CAMTA1: variants seen among roughly 807,000 people sequenced by gnomAD.
CAMTA1 encodes the protein calmodulin-binding transcription activator 1.
Under a neutral mutation model 170.9 loss-of-function variants are expected in CAMTA1, and 27 were observed. That is an observed-to-expected ratio of 0.16 (90% CI 0.12 to 0.22). The LOEUF (loss-of-function observed/expected upper bound fraction) is 0.22. CAMTA1 is among the 10% of genes least tolerant of loss of function. The pLI is 1.00. For missense variants in CAMTA1, 1,619 were observed against 2,217.2 expected, an observed-to-expected ratio of 0.73 and a Z score of 5.42; for synonymous variants, 833 against 891.5, an observed-to-expected ratio of 0.93 and a Z score of 1.17.
intron 7 of CAMTA1, among the ~76,000 whole-genome samples, chr1:7,648,887 C>G (rs577614009): frequency 4.0e-5 from 6 of 150,842 alleles, no homozygotes; most frequent in Admixed American, 3.9e-4. Flanking sequence ...TTTTAAGGAA[C>G]CCCGGCCTAT....
chr1:7,612,907 C>T (rs1398491008), intron 6 of CAMTA1, among the ~76,000 whole-genome samples: 1 of 152,216 alleles, frequency 6.6e-6, no homozygotes, highest in African/African-American at 2.4e-5. Flanking sequence ...GGCCTCAATT[C>T]CCTCCTCTTG....
chr1:7,138,994 CA>C (rs750880250), intron 4 of CAMTA1, among the ~76,000 whole-genome samples: 1 of 122,732 alleles, frequency 8.1e-6, no homozygotes, highest in South Asian at 2.5e-4. Context: ...GACTCTGTCT[CA>C]AAAAAATATA....
intron 4 of CAMTA1, among the ~76,000 whole-genome samples, chr1:7,096,782 G>C (rs559981624): frequency 6.6e-6 from 1 of 152,034 alleles, no homozygotes; most frequent in South Asian, 2.1e-4. Flanking sequence ...TCTCTAAGTC[G>C]AACTCCTCCT....
At chr1:7,560,153 T>A (rs1409533177) in intron 6 of CAMTA1, among the ~76,000 whole-genome samples, 2 of 152,216 alleles carry the variant, frequency 1.3e-5, no homozygotes, top group Non-Finnish European at 2.9e-5. Flanking sequence ...TTCCTATCCT[T>A]GTCCCTGGTC....
chr1:7,521,964 A>G (rs576161322), intron 6 of CAMTA1, among the ~76,000 whole-genome samples: 1 of 152,328 alleles, frequency 6.6e-6, no homozygotes, highest in South Asian at 2.1e-4. Flanking sequence ...GACAATGACA[A>G]ATGAAGCTGC....
At chr1:7,226,058 G>A (rs1295505092) in intron 4 of CAMTA1, among the ~76,000 whole-genome samples, 1 of 152,100 alleles carries the variant, frequency 6.6e-6, no homozygotes, top group East Asian at 1.9e-4. Flanking sequence ...GCCTTCTCTG[G>A]CTTTGAGTTC....
At chr1:7,133,870 A>G (rs1352362203) in intron 4 of CAMTA1, among the ~76,000 whole-genome samples, 1 of 152,208 alleles carries the variant, frequency 6.6e-6, no homozygotes, top group East Asian at 1.9e-4. Flanking sequence ...TTATTTGGTA[A>G]CAGTTTTACT....
chr1:6,833,127 G>GGA (rs1447726785), intron 3 of CAMTA1, among the ~76,000 whole-genome samples: 1 of 152,110 alleles, frequency 6.6e-6, no homozygotes, highest in Non-Finnish European at 1.5e-5. Context: ...TTGACACTGA[G>GGA]GAATAGTAAG....
chr1:7,223,014 A>G (rs1445070886), intron 4 of CAMTA1, among the ~76,000 whole-genome samples: 3 of 152,196 alleles, frequency 2.0e-5, no homozygotes, highest in African/African-American at 7.2e-5. Context: ...TAAGATCTCA[A>G]ACCTTTTTTT....
chr1:7,521,569 G>A lies in CAMTA1; in HGVS notation c.510+53668G>A, dbSNP rs532157188. Among the ~76,000 whole-genome samples, 119 of 151,586 alleles carry A rather than the reference G, an allele frequency of 7.9e-4. 1 individual carries two copies. The highest frequency in any genetic ancestry group is 2.8e-3 in the African/African-American group (117 of 41,322). ...CAGTTCCTTTTTTTTTTCAGATGGA[G>A]GCTTGCTCTGTAGCCCAGGCTGGAG... On this transcript the variant is annotated intron_variant, in intron 6 of 22. Coordinates refer to ENST00000303635, the MANE Select transcript of CAMTA1 (RefSeq NM_015215.4).
chr1:7,493,857 A>G (rs1274625921), intron 6 of CAMTA1, among the ~76,000 whole-genome samples: 2 of 151,900 alleles, frequency 1.3e-5, no homozygotes, highest in Admixed American at 6.6e-5. Flanking sequence ...GTCACGTGGC[A>G]CCTGTCGGGG....
Position 7,128,482 on chromosome 1 carries a change from C to T in CAMTA1, c.302+37111C>T, listed in dbSNP as rs115956342. Reference sequence around the variant, plus strand: ...GCAAATCCAAGAGCTTGTGCAAAGGCCCTGAGGTAGCAACAGAAACAGGGT... The same window carrying T: ...GCAAATCCAAGAGCTTGTGCAAAGGTCCTGAGGTAGCAACAGAAACAGGGT... On this transcript the variant is annotated intron_variant, in intron 4 of 22. Transcript: ENST00000303635. 8.1e-3 allele frequency among the ~76,000 whole-genome samples: 1,232 copies of T among 152,228 alleles called. 6 individuals carry two copies. The highest frequency in any genetic ancestry group is 0.013 in the Non-Finnish European group (893 of 68,016).
chr1:7,629,412 C>CATTTTAGAAAAAGCTCTTTAT (rs1299654805), intron 6 of CAMTA1, among the ~76,000 whole-genome samples: 267 of 152,214 alleles, frequency 1.8e-3, no homozygotes, highest in Non-Finnish European at 2.9e-3. Context: ...TAATGTCACC[C>CATTTTAGAAAAAGCTCTTTAT]ATTTTAGAAA....
At chr1:6,942,748 G>A (rs1288743145) in intron 3 of CAMTA1, among the ~76,000 whole-genome samples, 1 of 152,234 alleles carries the variant, frequency 6.6e-6, no homozygotes, top group Non-Finnish European at 1.5e-5. Context: ...AGGAGCACAA[G>A]CTGTAGCCAG....
At chr1:7,223,968 G>A (rs554444207) in intron 4 of CAMTA1, among the ~76,000 whole-genome samples, 3 of 152,138 alleles carry the variant, frequency 2.0e-5, no homozygotes, top group Non-Finnish European at 4.4e-5. Flanking sequence ...GTTAGAGGGC[G>A]GGGTGGAAGA....
chr1:7,683,603 C>T (rs146240593), intron 11 of CAMTA1, among the ~76,000 whole-genome samples: 12 of 152,100 alleles, frequency 7.9e-5, no homozygotes, highest in East Asian at 7.8e-4. Flanking sequence ...AGCTGGTTAG[C>T]GCATGGGCCC....
intron 4 of CAMTA1, among the ~76,000 whole-genome samples, chr1:7,231,350 T>TGTGTGA (rs112268253): frequency 1.5e-4 from 21 of 141,192 alleles, no homozygotes; most frequent in African/African-American, 5.1e-4. Flanking sequence ...TGTGTGTGTG[T>TGTGTGA]GAGAGAGAGA....
chr1:6,890,565 TTTC>T lies in CAMTA1; in HGVS notation c.234+65358_234+65360del, dbSNP rs1393685617. ...TTGCCCACTTAGGCTCTTGGACAGT[TTTC>T]TTTTTTTTTTTTTGTTGAGGTGAAG... On this transcript the variant is annotated intron_variant, in intron 3 of 22. Transcript: ENST00000303635. Among the ~76,000 whole-genome samples the T allele has an allele frequency of 4.0e-5, 6 of 149,364 alleles. No homozygotes were observed. The East Asian group carries it at 1.3e-3, about 32-fold the overall frequency.
At chr1:7,214,930 A>C (rs1240535467) in intron 4 of CAMTA1, among the ~76,000 whole-genome samples, 2 of 152,006 alleles carry the variant, frequency 1.3e-5, no homozygotes, top group Non-Finnish European at 2.9e-5. Context: ...TCTTTCAACA[A>C]AGCTATCTTG....
Sources: allele counts gnomAD v4.1 joint callset (sites outside exome capture counted in the v4.1 genomes callset), GRCh38; gene constraint gnomAD v4.1.1; transcripts MANE v1.5; gene names NCBI Gene and HGNC (gene_info 2026-07-23, HGNC 2026-07-21).